Variants in ALCAM observed in about 807,000 individuals in gnomAD.
ALCAM encodes activated leukocyte cell adhesion molecule.
Under a neutral mutation model 70.9 loss-of-function variants are expected in ALCAM, and 30 were observed. The observed-to-expected ratio is 0.42, with a 90% CI of 0.32 to 0.57. The LOEUF is 0.57. Among genes scored for constraint, ALCAM ranks in the 20% least tolerant of loss-of-function variants. The pLI is 0.11. For synonymous variants in ALCAM, 249 were observed against 242.5 expected, an observed-to-expected ratio of 1.03 and a Z score of -0.25; for missense variants, 591 against 695.1, an observed-to-expected ratio of 0.85 and a Z score of 1.68.
Position 105,520,057 on chromosome 3 carries a change from TCCCC to T in ALCAM, c.74-8_74-5del. On this transcript the variant is annotated splice_polypyrimidine_tract_variant and splice_region_variant and intron_variant, in intron 1 of 15. Transcript: ENST00000306107. ...TTTCTCTCTTCTTCCTTTTTTTTTT[TCCCC>T]CAAAGGCCTTGGATGGTATACTGTA... 1 of 1,463,246 alleles carries T rather than the reference TCCCC, an allele frequency of 6.8e-7. No individual in the cohort carries two copies. The highest frequency in any genetic ancestry group is 2.1e-5 in the Admixed American group (1 of 48,044). The allele number at this position is 1,463,246 out of a possible 1,614,324, so 90.6% of individuals were successfully genotyped here.
chr3:105,493,231 C>T (rs541973463), intron 1 of ALCAM, among the ~76,000 whole-genome samples: 3 of 152,122 alleles, frequency 2.0e-5, no homozygotes, highest in Admixed American at 1.3e-4. Flanking sequence ...TTCAGAGGCT[C>T]GGTCCCTAAA....
At chr3:105,473,317 A>G (rs1937988932) in intron 1 of ALCAM, among the ~76,000 whole-genome samples, 1 of 151,458 alleles carries the variant, frequency 6.6e-6, no homozygotes, top group South Asian at 2.1e-4. Flanking sequence ...TACTTTAATT[A>G]CCTTACTTCA....
intron 1 of ALCAM, among the ~76,000 whole-genome samples, chr3:105,427,875 G>T (rs1936830579): frequency 2.0e-5 from 3 of 151,788 alleles, no homozygotes; most frequent in South Asian, 4.1e-4. Context: ...ACCTTTAAAT[G>T]ATACACAGAG....
At chr3:105,567,298 G>A (rs1940763497) in intron 14 of ALCAM, among the ~76,000 whole-genome samples, 1 of 152,082 alleles carries the variant, frequency 6.6e-6, no homozygotes, top group Non-Finnish European at 1.5e-5. Context: ...ATCAAACCTG[G>A]GAAATTTTCT....
intron 1 of ALCAM, among the ~76,000 whole-genome samples, chr3:105,369,496 A>C (rs941338052): frequency 1.3e-5 from 2 of 152,180 alleles, no homozygotes; most frequent in African/African-American, 2.4e-5. Context: ...GGCATTGCCG[A>C]AATTCTCATT....
intron 1 of ALCAM, among the ~76,000 whole-genome samples, chr3:105,412,626 A>T (rs918584659): frequency 3.3e-5 from 5 of 152,094 alleles, no homozygotes; most frequent in Non-Finnish European, 7.4e-5. Flanking sequence ...ACGTGAGATG[A>T]TTTACAGTTT....
chr3:105,425,785 G>A (rs1936773665), intron 1 of ALCAM, among the ~76,000 whole-genome samples: 2 of 149,582 alleles, frequency 1.3e-5, no homozygotes, highest in South Asian at 4.2e-4. Flanking sequence ...ACTTTAAAGT[G>A]GAGTAGATTC....
At chr3:105,538,654 C>T (rs1462014239) in intron 6 of ALCAM, among the ~76,000 whole-genome samples, 1 of 152,064 alleles carries the variant, frequency 6.6e-6, no homozygotes, top group Non-Finnish European at 1.5e-5. Flanking sequence ...ACAGGCCAAA[C>T]ATGAGCACTA....
chr3:105,523,263 A>G (rs1328170748), intron 2 of ALCAM, among the ~76,000 whole-genome samples: 1 of 152,114 alleles, frequency 6.6e-6, no homozygotes, highest in African/African-American at 2.4e-5. Flanking sequence ...GTAGTGGTCT[A>G]ACATACTTTG....
chr3:105,571,711 C>T (rs925034752), intron 14 of ALCAM, 141 bp from the exon 15 acceptor site: 1 of 605,416 alleles, frequency 1.7e-6, no homozygotes, highest in African/African-American at 1.9e-5. Flanking sequence ...AGTCAAGGCT[C>T]ACAGATATGG....
At chr3:105,485,876 T>C (rs1576194728) in intron 1 of ALCAM, among the ~76,000 whole-genome samples, 1 of 151,982 alleles carries the variant, frequency 6.6e-6, no homozygotes, top group Non-Finnish European at 1.5e-5. Context: ...AAGTTAAGAT[T>C]TGACTCTGCT....
At chr3:105,495,233 A>G (rs560008150) in intron 1 of ALCAM, among the ~76,000 whole-genome samples, 1 of 152,318 alleles carries the variant, frequency 6.6e-6, no homozygotes, top group African/African-American at 2.4e-5. Flanking sequence ...TCCACATCAG[A>G]AATCTGGAGC....
At chr3:105,529,136 A>C (rs1009864326) in intron 3 of ALCAM, among the ~76,000 whole-genome samples, 3 of 152,194 alleles carry the variant, frequency 2.0e-5, no homozygotes, top group African/African-American at 7.2e-5. Context: ...GCTTCTAACT[A>C]CTTAAGATAG....
intron 1 of ALCAM, among the ~76,000 whole-genome samples, chr3:105,402,595 G>A (rs978620198): frequency 2.0e-5 from 3 of 152,160 alleles, no homozygotes; most frequent in African/African-American, 7.2e-5. Flanking sequence ...TGGGAGCGGG[G>A]TGTGGCCCGT....
At chr3:105,401,551 T>C (rs1410133316) in intron 1 of ALCAM, among the ~76,000 whole-genome samples, 1 of 152,222 alleles carries the variant, frequency 6.6e-6, no homozygotes, top group East Asian at 1.9e-4. Flanking sequence ...GTTATCAGCA[T>C]GGAACTACCA....
intron 1 of ALCAM, among the ~76,000 whole-genome samples, chr3:105,470,509 C>T (rs772551815): frequency 2.0e-5 from 3 of 150,954 alleles, no homozygotes; most frequent in African/African-American, 4.8e-5. Flanking sequence ...AATAATTGAC[C>T]TCTTAATAAC....
intron 14 of ALCAM, 114 bp from the exon 15 acceptor site, chr3:105,571,738 G>C (rs770925750): frequency 8.0e-5 from 63 of 788,392 alleles, no homozygotes; most frequent in Non-Finnish European, 1.2e-4. Context: ...TTGCCTAGCG[G>C]TTTGCTGTAA....
intron 1 of ALCAM, among the ~76,000 whole-genome samples, chr3:105,503,421 G>A (rs1378045559): frequency 1.3e-5 from 2 of 152,176 alleles, no homozygotes; most frequent in East Asian, 1.9e-4. Flanking sequence ...GCAGCAAACT[G>A]ACTGAGGCTC....
At position 105,524,285 on chromosome 3, in the gene ALCAM, T is replaced by C. The variant is rs1171305406; in HGVS notation, c.175-4T>C. 1.2e-6 allele frequency: 2 copies of C among 1,607,888 alleles called. No homozygotes were observed. Among genetic ancestry groups the C allele is most frequent in the South Asian group, 2.2e-5 (2 of 90,178 alleles). On this transcript the variant is annotated splice_region_variant and splice_polypyrimidine_tract_variant and intron_variant, in intron 2 of 15. Transcript: ENST00000306107. Reference sequence around the variant, plus strand: ...TTTAAATGTATTATTATTTTAATTTTTAGGAAAAGCCCGATGGCTCCCCAG... The same window carrying C: ...TTTAAATGTATTATTATTTTAATTTCTAGGAAAAGCCCGATGGCTCCCCAG...
Sources: allele counts gnomAD v4.1 joint callset (sites outside exome capture counted in the v4.1 genomes callset), GRCh38; gene constraint gnomAD v4.1.1; transcripts MANE v1.5; gene names NCBI Gene and HGNC (gene_info 2026-07-23, HGNC 2026-07-21).